The following NHEJ1 variants were observed in gnomAD, a reference collection of about 807,000 sequenced individuals.
NHEJ1 encodes non-homologous end-joining factor 1.
A neutral mutation model predicts 39.4 loss-of-function variants in NHEJ1; 22 were observed. The ratio of observed to expected loss-of-function variants is 0.56; its 90% confidence interval spans 0.40 to 0.80. The LOEUF (loss-of-function observed/expected upper bound fraction) is 0.80. Ranked by LOEUF, NHEJ1 falls within the 30% of genes least tolerant of loss-of-function variation. NHEJ1 has a pLI of 0.00. For missense variants in NHEJ1, 329 were observed against 357.1 expected (o/e 0.92, Z 0.63); for synonymous variants, 154 against 135.6 (o/e 1.14, Z -0.94).
At chr2:219,088,833 G>T (rs1300842995) in intron 5 of NHEJ1, among the ~76,000 whole-genome samples, 1 of 152,108 alleles carries the variant, frequency 6.6e-6, no homozygotes, top group African/African-American at 2.4e-5. Context: ...TGTTTTTTGA[G>T]ACGGAGTCTC....
intron 5 of NHEJ1, among the ~76,000 whole-genome samples, chr2:219,142,763 A>G (rs968819165): frequency 2.0e-5 from 3 of 152,174 alleles, no homozygotes; most frequent in Non-Finnish European, 2.9e-5. Flanking sequence ...CTCAACCCCC[A>G]GTCCTACAAA....
rs185124088 is a variant in NHEJ1, at chr2:219,103,522, C to T, written c.589-25316G>A. On this transcript the variant is annotated intron_variant, in intron 5 of 7. Coordinates refer to ENST00000356853, the MANE Select transcript of NHEJ1 (RefSeq NM_024782.3). ...ATCTCCTGACCTCAAGTGATCCGTC[C>T]GCCTCGGCCTCCCAAAGTGCTGGGA... 2.0e-4 allele frequency among the ~76,000 whole-genome samples: 31 copies of T among 152,214 alleles called. No homozygotes were observed. The East Asian group carries it at 3.7e-3, about 18-fold the overall frequency.
intron 5 of NHEJ1, among the ~76,000 whole-genome samples, chr2:219,099,280 A>T (rs1309321907): frequency 2.0e-5 from 3 of 152,232 alleles, no homozygotes; most frequent in Non-Finnish European, 4.4e-5. Flanking sequence ...GCACTACAGG[A>T]TGTTGAACAG....
chr2:219,085,792 G>A (rs1418123535), intron 5 of NHEJ1, among the ~76,000 whole-genome samples: 1 of 148,008 alleles, frequency 6.8e-6, no homozygotes, highest in African/African-American at 2.5e-5. Flanking sequence ...AAACATCTAT[G>A]TATGCAATCT....
In NHEJ1 at chr2:219,147,686, T is replaced by C. The variant is rs775191124; in HGVS notation, c.500A>G (p.Tyr167Cys). 6 of 1,614,220 alleles carry C rather than the reference T, an allele frequency of 3.7e-6. No individual in the cohort carries two copies. Among genetic ancestry groups the C allele is most frequent in the Middle Eastern group, 3.3e-4 (2 of 6,062 alleles). ...AATCAGCGTAGCCCCACTCTCCTGG[T>C]AGTCTTGGATCTCTAGGTCTTTCAT... ...LHMKDLEIQD[Y>C]QESGATLIRD... The change falls in exon 4 of 8, where the codon TAC (tyrosine) becomes TGC (cysteine). Residue 167 changes from tyrosine (Y) to cysteine (C), a missense_variant. By Grantham distance (194) the Tyr-to-Cys change is radical. Transcript: ENST00000356853.
chr2:219,158,114 T>C, intron 2 of NHEJ1, 72 bp downstream of exon 2: 3 of 1,529,008 alleles, frequency 2.0e-6, no homozygotes, highest in South Asian at 2.2e-5. Flanking sequence ...CAACCTTCCT[T>C]GGGAAACTAC....
At chr2:219,110,760 C>A (rs1028048523) in intron 5 of NHEJ1, among the ~76,000 whole-genome samples, 3 of 152,012 alleles carry the variant, frequency 2.0e-5, no homozygotes, top group African/African-American at 7.3e-5. Context: ...GCAGAGGGAA[C>A]GGCAAGTGAG....
At chr2:219,129,740 G>C (rs1949558764) in intron 5 of NHEJ1, among the ~76,000 whole-genome samples, 1 of 152,226 alleles carries the variant, frequency 6.6e-6, no homozygotes, top group Admixed American at 6.5e-5. Context: ...ATCATTATGT[G>C]GCTAAATTTA....
chr2:219,144,865 ATC>A (rs1949720950), intron 5 of NHEJ1, among the ~76,000 whole-genome samples: 1 of 152,142 alleles, frequency 6.6e-6, no homozygotes, highest in South Asian at 2.1e-4. Context: ...GGCCTAAGAA[ATC>A]TCTCTTAGTC....
intron 5 of NHEJ1, among the ~76,000 whole-genome samples, chr2:219,112,623 G>T (rs1949376023): frequency 6.6e-6 from 1 of 152,074 alleles, no homozygotes; most frequent in Non-Finnish European, 1.5e-5. Flanking sequence ...GGCCCCAAAA[G>T]TCATACTCAG....
At chr2:219,115,760 C>T (rs866518553) in intron 5 of NHEJ1, among the ~76,000 whole-genome samples, 24 of 152,194 alleles carry the variant, frequency 1.6e-4, no homozygotes, top group African/African-American at 4.8e-4. Context: ...CCGCATTTTA[C>T]CCAGCTCCCT....
In NHEJ1 at chr2:219,142,437, G is replaced by A. The variant is rs534824964; in HGVS notation, c.588+4243C>T. 2.6e-5 allele frequency among the ~76,000 whole-genome samples: 4 copies of A among 152,320 alleles called. No homozygotes were observed. In the East Asian group the frequency reaches 5.8e-4, roughly 22 times the overall value. ...CTGGTTTGAGCAGCATGCAGCCCCAGTGACTCACACACCCATGCAAACTGC... is the reference window on the plus strand; with the variant it reads ...CTGGTTTGAGCAGCATGCAGCCCCAATGACTCACACACCCATGCAAACTGC... On this transcript the variant is annotated intron_variant, in intron 5 of 7. Coordinates refer to ENST00000356853, the MANE Select transcript of NHEJ1 (RefSeq NM_024782.3).
At position 219,149,385 on chromosome 2, in the gene NHEJ1, G is replaced by A. The variant is rs373528303; in HGVS notation, c.391-1590C>T. Among the ~76,000 whole-genome samples, 3 of 152,270 alleles carry A rather than the reference G, an allele frequency of 2.0e-5. No homozygotes were observed. The South Asian group carries it at 6.2e-4, about 32-fold the overall frequency. The stretch of plus-strand genomic sequence containing the variant: ...AATCCCAGCATTTTGGGAGGCCAAC[G>A]TTGGAGGATTGCTTGAGTCCAAGAG... On this transcript the variant is annotated intron_variant, in intron 3 of 7. Coordinates refer to ENST00000356853, the MANE Select transcript of NHEJ1 (RefSeq NM_024782.3).
In NHEJ1 at chr2:219,099,756, G is replaced by A. The variant is rs531488788; in HGVS notation, c.589-21550C>T. 2.0e-5 allele frequency among the ~76,000 whole-genome samples: 3 copies of A among 152,028 alleles called. No homozygotes were observed. In the East Asian group the frequency reaches 5.8e-4, roughly 29 times the overall value. ...TGTGAGAGTGCGGCAGAAAAGACAT[G>A]GGAAAAGGCAGAAAAGACATGGGAA... is the stretch of plus-strand genomic sequence containing the variant. On this transcript the variant is annotated intron_variant, in intron 5 of 7. Transcript: ENST00000356853.
At chr2:219,119,518 T>C (rs1350902843) in intron 5 of NHEJ1, among the ~76,000 whole-genome samples, 1 of 151,498 alleles carries the variant, frequency 6.6e-6, no homozygotes, top group Non-Finnish European at 1.5e-5. Context: ...GGGTAACCAA[T>C]CCCCCACTCC....
Position 219,135,618 on chromosome 2 carries a change from GAAGT to G in NHEJ1, c.588+11058_588+11061del, listed in dbSNP as rs1165807385. On this transcript the variant is annotated intron_variant, in intron 5 of 7. Transcript: ENST00000356853. ...AGTGAGATTCCGTCTCAAAAGTAAA[GAAGT>G]AAGACATCAAACATCATCACTGCCT... 7.9e-5 allele frequency among the ~76,000 whole-genome samples: 12 copies of G among 152,102 alleles called. No individual in the cohort carries two copies. The South Asian group carries it at 1.9e-3, about 24-fold the overall frequency.
At position 219,146,711 on chromosome 2, in the gene NHEJ1, T is replaced by C. The variant is rs780016182; in HGVS notation, c.557A>G (p.Glu186Gly). The change falls in exon 5 of 8, where the codon GAA becomes GGA. Residue 186 changes from glutamate (E) to glycine (G), a missense_variant. Physicochemically the swap from Glu to Gly is moderately conservative, Grantham distance 98. Transcript: ENST00000356853. ...CATAAATTGTTCCAAGAAGGAATTT[T>C]CTTCAAATGGTTCTGTCTTCAATCG... ...RDRLKTEPFE[E>G]NSFLEQFMIE... 1.9e-5 allele frequency: 31 copies of C among 1,611,598 alleles called. No homozygotes were observed. The highest frequency in any genetic ancestry group is 2.5e-5 in the Non-Finnish European group (30 of 1,177,792).
At position 219,088,500 on chromosome 2, in the gene NHEJ1, GA is replaced by G. The variant is rs879314342; in HGVS notation, c.589-10295del. Among the ~76,000 whole-genome samples the G allele has an allele frequency of 7.4e-3, 980 of 132,382 alleles. 9 individuals are homozygous for G. Among genetic ancestry groups the G allele is most frequent in the Non-Finnish European group, 9.7e-3 (585 of 60,428 alleles). 86.8% of individuals were successfully genotyped at this position (132,382 alleles called of 152,430 possible). On this transcript the variant is annotated intron_variant, in intron 5 of 7. Transcript: ENST00000356853. The stretch of plus-strand genomic sequence containing the variant: ...AGAGTGAGACCCTGTCTCAAGAAAA[GA>G]AAAAAAAAAAATTAACATTTTATTG...
intron 5 of NHEJ1, among the ~76,000 whole-genome samples, chr2:219,104,356 C>T (rs1444188697): frequency 1.3e-5 from 2 of 152,184 alleles, no homozygotes; most frequent in African/African-American, 4.8e-5. Context: ...AAATGTCTAG[C>T]TAGAGAGCTC....
Sources: allele counts gnomAD v4.1 joint callset (sites outside exome capture counted in the v4.1 genomes callset), GRCh38; gene constraint gnomAD v4.1.1; transcripts MANE v1.5; gene names NCBI Gene and HGNC (gene_info 2026-07-23, HGNC 2026-07-21).